UGT2B7: variants seen among roughly 807,000 people sequenced by gnomAD.
The protein encoded by UGT2B7 is UDP glucuronosyltransferase family 2 member B7.
UGT2B7 carries 51 observed loss-of-function variants against 51.9 expected under a neutral mutation model. That is an observed-to-expected ratio of 0.98 (90% CI 0.78 to 1.24). UGT2B7 has a LOEUF of 1.24. Among genes scored for constraint, UGT2B7 ranks in the 50% most tolerant of loss-of-function variants. UGT2B7 has a pLI of 0.00. For missense variants in UGT2B7, 727 were observed against 628.4 expected, an observed-to-expected ratio of 1.16 and a Z score of -1.68; for synonymous variants, 225 against 211.6, an observed-to-expected ratio of 1.06 and a Z score of -0.55.
chr4:69,066,641 T>C (rs2109866284), intron 1 of UGT2B7, among the ~76,000 whole-genome samples: 1 of 152,302 alleles, frequency 6.6e-6, no homozygotes, highest in South Asian at 2.1e-4. Flanking sequence ...CTTCCAGTCC[T>C]AGGGAAAATA....
At chr4:69,070,486 A>G (rs2109868139) in intron 1 of UGT2B7, among the ~76,000 whole-genome samples, 1 of 151,322 alleles carries the variant, frequency 6.6e-6, no homozygotes, top group Non-Finnish European at 1.5e-5. Context: ...AAATTGCAAG[A>G]CAAATTTTAT....
At chr4:69,110,847 T>G (rs958411620) in intron 5 of UGT2B7, among the ~76,000 whole-genome samples, 10 of 152,170 alleles carry the variant, frequency 6.6e-5, no homozygotes, top group African/African-American at 2.4e-4. Context: ...GATCTTACAT[T>G]TTTGAACTAT....
intron 1 of UGT2B7, among the ~76,000 whole-genome samples, chr4:69,087,658 A>T (rs1167482267): frequency 6.6e-6 from 1 of 151,958 alleles, no homozygotes; most frequent in East Asian, 1.9e-4. Context: ...TTTGTTTCGG[A>T]AAATGTTATC....
intron 1 of UGT2B7, 21 bp downstream of exon 1, chr4:69,097,262 G>C (rs1719272817): frequency 6.3e-7 from 1 of 1,596,718 alleles, no homozygotes; most frequent in East Asian, 2.2e-5. Context: ...TTTTCAATCA[G>C]TAACATGAAG....
chr4:69,084,093 G>C (rs181225702), intron 1 of UGT2B7, among the ~76,000 whole-genome samples: 1 of 151,980 alleles, frequency 6.6e-6, no homozygotes, highest in Admixed American at 6.6e-5. Context: ...ATGAAGAAAT[G>C]TAAATTTTAT....
Position 69,098,584 on chromosome 4 carries a change from T to C in UGT2B7, c.766T>C (p.Trp256Arg). ...TGAGACAATGGGGAAAGCTGACGTATGGCTTATTCGAAACTCCTGGAATTT... is the reference window on the plus strand; with the variant it reads ...TGAGACAATGGGGAAAGCTGACGTACGGCTTATTCGAAACTCCTGGAATTT... ...LSETMGKADV[W>R]LIRNSWNFQF... Residue 256 changes from tryptophan (W) to arginine (R), a missense_variant, in exon 2 of 6, where the codon TGG (tryptophan) becomes CGG (arginine). By Grantham distance (101) the Trp-to-Arg change is moderately radical. Transcript: ENST00000305231. 6.2e-7 allele frequency: 1 copy of C among 1,612,308 alleles called. No individual in the cohort carries two copies. The highest frequency in any genetic ancestry group is 8.5e-7 in the Non-Finnish European group (1 of 1,179,004).
chr4:69,091,864 T>C (rs1000454588), upstream of UGT2B7, among the ~76,000 whole-genome samples: 7 of 152,206 alleles, frequency 4.6e-5, no homozygotes, highest in African/African-American at 1.7e-4. Context: ...TTCATTGAAC[T>C]TCAAGGAGGT....
upstream of UGT2B7, among the ~76,000 whole-genome samples, chr4:69,093,420 C>A (rs182329633): frequency 5.3e-5 from 8 of 152,322 alleles, no homozygotes; most frequent in Admixed American, 4.6e-4. Flanking sequence ...GTTGAAATTC[C>A]AAGCCAGTGG....
Position 69,107,243 on chromosome 4 carries a change from A to G in UGT2B7, c.1071A>G (p.Ile357Met). ...TCAATACTCGGCTCTACAAGTGGAT[A>G]CCCCAGAATGACCTTCTAGGTAAGA... Reference protein sequence around the residue: ...LGLNTRLYKWIPQNDLLGHPK... With the variant: ...LGLNTRLYKWMPQNDLLGHPK... The change falls in exon 4 of 6, where the codon ATA becomes ATG. Residue 357 changes from isoleucine (I) to methionine (M), a missense_variant. Physicochemically the swap from Ile to Met is conservative, Grantham distance 10 (BLOSUM62 1). Transcript: ENST00000305231. 1.2e-6 allele frequency: 2 copies of G among 1,608,830 alleles called. No individual in the cohort carries two copies. The highest frequency in any genetic ancestry group is 1.7e-6 in the Non-Finnish European group (2 of 1,176,784).
intron 3 of UGT2B7, 142 bp from the exon 4 acceptor site, chr4:69,107,033 T>G: frequency 2.2e-5 from 19 of 881,430 alleles, no homozygotes; most frequent in Non-Finnish European, 2.6e-5. Context: ...AAAATTAATG[T>G]GAGTATTCTA....
upstream of UGT2B7, among the ~76,000 whole-genome samples, chr4:69,096,104 T>C (rs1485059827): frequency 6.6e-6 from 1 of 152,214 alleles, no homozygotes; most frequent in African/African-American, 2.4e-5. Context: ...GTATGATATT[T>C]AAATTACATG....
chr4:69,063,071 G>A (rs1718383349), intron 1 of UGT2B7, among the ~76,000 whole-genome samples: 1 of 149,492 alleles, frequency 6.7e-6, no homozygotes, highest in African/African-American at 2.5e-5. Flanking sequence ...TGTAATCCCA[G>A]CACTTTGGGA....
At chr4:69,102,396 A>T (rs952658843) in intron 2 of UGT2B7, among the ~76,000 whole-genome samples, 2 of 152,154 alleles carry the variant, frequency 1.3e-5, no homozygotes, top group African/African-American at 4.8e-5. Context: ...AAATAAACAC[A>T]AGGGATTTAG....
intron 1 of UGT2B7, among the ~76,000 whole-genome samples, chr4:69,074,447 A>ATATATATATATATATATATATATAT (rs1560502384): frequency 2.1e-5 from 2 of 93,244 alleles, no homozygotes; most frequent in African/African-American, 1.2e-4. Flanking sequence ...TATATATATA[A>ATATATATATATATATATATATATAT]ATTAAAAATC....
intron 1 of UGT2B7, among the ~76,000 whole-genome samples, chr4:69,064,356 G>A (rs1718443385): frequency 1.3e-5 from 2 of 152,192 alleles, no homozygotes; most frequent in Admixed American, 1.3e-4. Flanking sequence ...TGACTTTATA[G>A]ATTCTTGTTC....
At chr4:69,061,891 T>C (rs74837648) in intron 1 of UGT2B7, among the ~76,000 whole-genome samples, 68 of 152,232 alleles carry the variant, frequency 4.5e-4, no homozygotes, top group Non-Finnish European at 8.4e-4. Context: ...TTGGTGCTTG[T>C]CTGTACCTTT....
exon 2 of UGT2B7, chr4:69,089,519 G>A (rs1719038338): frequency 6.6e-6 from 1 of 152,226 alleles, no homozygotes; most frequent in Non-Finnish European, 1.5e-5. Flanking sequence ...GCACTGTGGT[G>A]TTTTCTCTGG....
intron 5 of UGT2B7, among the ~76,000 whole-genome samples, chr4:69,111,620 C>G (rs1181969500): frequency 6.6e-6 from 1 of 152,058 alleles, no homozygotes; most frequent in Non-Finnish European, 1.5e-5. Context: ...GATGAATATC[C>G]TATTTTCCAT....
At chr4:69,080,790 G>A (rs1376544245) in intron 1 of UGT2B7, among the ~76,000 whole-genome samples, 1 of 151,900 alleles carries the variant, frequency 6.6e-6, no homozygotes, top group Non-Finnish European at 1.5e-5. Flanking sequence ...ATCTCTAATG[G>A]AGCCCTTTCT....
Sources: allele counts gnomAD v4.1 joint callset (sites outside exome capture counted in the v4.1 genomes callset), GRCh38; gene constraint gnomAD v4.1.1; transcripts MANE v1.5; gene names NCBI Gene and HGNC (gene_info 2026-07-23, HGNC 2026-07-21).